The following GPR135 variants were observed in gnomAD, a reference collection of about 807,000 sequenced individuals.
The protein encoded by GPR135 is G protein-coupled receptor 135, also known as G-protein coupled receptor 135.
Under a neutral mutation model 15.0 loss-of-function variants are expected in GPR135, and 17 were observed. The observed-to-expected ratio is 1.13, with a 90% CI of 0.78 to 1.70. The LOEUF (loss-of-function observed/expected upper bound fraction) is 1.70. GPR135 is among the 40% of genes most tolerant of loss of function. The probability of loss-of-function intolerance (pLI) is 0.00; values close to 1 mark genes in which losing one functional copy is unlikely to be tolerated. For synonymous variants in GPR135, 368 were observed against 349.4 expected (o/e 1.05, Z -0.59); for missense variants, 776 against 727.0 (o/e 1.07, Z -0.78).
At position 59,464,416 on chromosome 14, in the gene GPR135, C is replaced by T. The variant is rs779309236; in HGVS notation, c.811G>A (p.Ala271Thr). Residue 271 changes from alanine to threonine, a missense_variant, in exon 1 of 1, where the codon GCG (alanine) becomes ACG (threonine). Transcript: ENST00000395116. The stretch of plus-strand genomic sequence containing the variant: ...ACGCTGAAGGCCGCGCCCAGCTGCG[C>T]GGGGTCCGGGGAGGTCCGGTAGAGG... Reference protein sequence around the residue: ...GCLYRTSPDPAQLGAAFSVGL... With the variant: ...GCLYRTSPDPTQLGAAFSVGL... 58 of 1,586,396 alleles carry T rather than the reference C, an allele frequency of 3.7e-5. No homozygotes were observed. Among genetic ancestry groups the T allele is most frequent in the Non-Finnish European group, 4.5e-5 (53 of 1,168,096 alleles).
downstream of GPR135, chr14:59,460,713 G>C (rs892551475): frequency 2.0e-5 from 3 of 152,170 alleles, no homozygotes; most frequent in Non-Finnish European, 4.4e-5. Context: ...CCACCCAAAT[G>C]AAATACCCAA....
downstream of GPR135, chr14:59,458,782 C>A (rs764647838): frequency 6.6e-6 from 1 of 152,214 alleles, no homozygotes; most frequent in Non-Finnish European, 1.5e-5. Flanking sequence ...GCATGCCACA[C>A]CCTAGTAAAG....
chr14:59,464,192 C>G lies in GPR135; in HGVS notation c.1035G>C (p.Gly345=), dbSNP rs2139777551. 6.2e-7 allele frequency: 1 copy of G among 1,609,190 alleles called. No individual in the cohort carries two copies. The highest frequency in any genetic ancestry group is 1.3e-5 in the African/African-American group (1 of 74,360). The change falls in exon 1 of 1, where the codon GGG becomes GGC. Residue 345 remains glycine, a synonymous_variant. Transcript: ENST00000395116. The part of the protein sequence containing the change: ...IMIVFVICCW[G]PYCFLVLLAA... ...CCAGCAGCACCAGGAAGCAGTAGGGCCCCCAGCAGCAGATGACGAAGACGA... is the reference window on the plus strand; with the variant it reads ...CCAGCAGCACCAGGAAGCAGTAGGGGCCCCAGCAGCAGATGACGAAGACGA...
Position 59,464,937 on chromosome 14 carries a change from A to C in GPR135, c.290T>G (p.Leu97Arg). The C allele has an allele frequency of 6.4e-7, 1 of 1,565,014 alleles. No homozygotes were observed. The highest frequency in any genetic ancestry group is 8.6e-7 in the Non-Finnish European group (1 of 1,159,026). Residue 97 changes from leucine to arginine, a missense_variant, in exon 1 of 1, where the codon CTG becomes CGG. Physicochemically the swap from Leu to Arg is moderately radical, Grantham distance 102 (BLOSUM62 -2). Coordinates refer to ENST00000395116, the MANE Select transcript of GPR135 (RefSeq NM_022571.6). ...GGCCGCCACTGCAGCTCCGTGCGACAGCAGCGGCGCCGCCTCCGGGCCTAG... is the reference window on the plus strand; with the variant it reads ...GGCCGCCACTGCAGCTCCGTGCGACCGCAGCGGCGCCGCCTCCGGGCCTAG... ...RPLGPEAAPLLSHGAAVAAQA... is the reference protein window; with the variant it reads ...RPLGPEAAPLRSHGAAVAAQA...
In GPR135 at chr14:59,461,591, C is replaced by G. The variant is rs1888859831; in HGVS notation, c.*2151G>C. 2 of 152,096 alleles carry G rather than the reference C, an allele frequency of 1.3e-5. No homozygotes were observed. Among genetic ancestry groups the G allele is most frequent in the African/African-American group, 4.8e-5 (2 of 41,418 alleles). 9.4% of individuals were successfully genotyped at this position (152,096 alleles called of 1,614,324 possible). On this transcript the variant is annotated 3_prime_UTR_variant, in exon 1 of 1. Transcript: ENST00000395116. ...CTTCATGCCATCACCTTGTCACTTC[C>G]AATCTCTCAGATTTTCCCTTCACTC...
At position 59,464,983 on chromosome 14, in the gene GPR135, C is replaced by G. The variant is rs1889085134; in HGVS notation, c.244G>C (p.Gly82Arg). The change falls in exon 1 of 1, where the codon GGG becomes CGG. Residue 82 changes from glycine to arginine, a missense_variant. Transcript: ENST00000395116. ...LGGSGAAREA[G>R]AAVRRPLGPE... Reference sequence around the variant, plus strand: ...CCTAGCGGCCGCCTCACCGCCGCCCCCGCCTCCCGCGCTGCCCCGGACCCG... The same window carrying G: ...CCTAGCGGCCGCCTCACCGCCGCCCGCGCCTCCCGCGCTGCCCCGGACCCG... 6.9e-7 allele frequency: 1 copy of G among 1,453,866 alleles called. No homozygotes were observed. Among genetic ancestry groups the G allele is most frequent in the Non-Finnish European group, 9.0e-7 (1 of 1,108,664 alleles). The allele number at this position is 1,453,866 out of a possible 1,614,324, so 90.1% of individuals were successfully genotyped here. A position where few individuals can be genotyped will look rare whatever the true frequency, so the allele number is the denominator to read the frequency against.
Position 59,464,166 on chromosome 14 carries a change from G to T in GPR135, c.1061C>A (p.Ala354Asp), listed in dbSNP as rs375777007. 4 of 1,608,828 alleles carry T rather than the reference G, an allele frequency of 2.5e-6. No individual in the cohort carries two copies. In the African/African-American group the frequency reaches 5.3e-5, roughly 21 times the overall value. Residue 354 changes from alanine (A) to aspartate (D), a missense_variant, in exon 1 of 1, where the codon GCC becomes GAC. Transcript: ENST00000395116. ...WGPYCFLVLL[A>D]AARQAQTMQA... The stretch of plus-strand genomic sequence containing the variant: ...CATGGTCTGGGCCTGCCGGGCGGCG[G>T]CCAGCAGCACCAGGAAGCAGTAGGG...
chr14:59,458,242 T>C (rs983170924), downstream of GPR135, among the ~76,000 whole-genome samples: 1 of 152,194 alleles, frequency 6.6e-6, no homozygotes, highest in Non-Finnish European at 1.5e-5. Flanking sequence ...TCACTAATTA[T>C]TTGCTAATTG....
chr14:59,458,869 C>A (rs1888755950), downstream of GPR135: 1 of 152,206 alleles, frequency 6.6e-6, no homozygotes, highest in Non-Finnish European at 1.5e-5. Context: ...GGAATTTAAC[C>A]TTTGCAACAT....
At chr14:59,453,311 G>A (rs1888549620) in intron 6 of GPR135, among the ~76,000 whole-genome samples, 1 of 152,168 alleles carries the variant, frequency 6.6e-6, no homozygotes, top group Non-Finnish European at 1.5e-5. Flanking sequence ...GGTAACAGGT[G>A]AGGTTTTGCT....
At chr14:59,456,596 C>G (rs1419585732), downstream of GPR135, 7 of 152,128 alleles carry the variant, frequency 4.6e-5, no homozygotes, top group African/African-American at 1.7e-4. Context: ...ATGTACTTAG[C>G]CTTTGAACCA....
Position 59,461,444 on chromosome 14 carries a change from A to C in GPR135, c.*2298T>G, listed in dbSNP as rs992281394. The stretch of plus-strand genomic sequence containing the variant: ...AACAATTTTCTCTTTTTCCCCTCCA[A>C]TTCTTGCCTACCATGACTCTCGGAG... On this transcript the variant is annotated 3_prime_UTR_variant, in exon 1 of 1. Transcript: ENST00000395116. 6.6e-6 allele frequency: 1 copy of C among 151,970 alleles called. No homozygotes were observed. The highest frequency in any genetic ancestry group is 1.5e-5 in the Non-Finnish European group (1 of 67,970). 9.4% of individuals were successfully genotyped at this position (151,970 alleles called of 1,614,324 possible). A position where few individuals can be genotyped will look rare whatever the true frequency, so the allele number is the denominator to read the frequency against.
downstream of GPR135, chr14:59,460,264 T>C (rs1469285731): frequency 4.6e-5 from 7 of 152,364 alleles, no homozygotes; most frequent in East Asian, 1.2e-3. Context: ...GATGGATGAC[T>C]GGGGTCATCT....
intron 6 of GPR135, among the ~76,000 whole-genome samples, chr14:59,453,420 G>GT (rs1374110655): frequency 1.3e-5 from 2 of 152,166 alleles, no homozygotes; most frequent in Non-Finnish European, 2.9e-5. Context: ...CTAAAAAAAA[G>GT]TTGAAAAGAT....
chr14:59,453,714 G>A (rs1888563072), intron 6 of GPR135, among the ~76,000 whole-genome samples: 1 of 152,192 alleles, frequency 6.6e-6, no homozygotes, highest in African/African-American at 2.4e-5. Context: ...GGGTTGAAAA[G>A]GAACAGATTG....
Position 59,465,033 on chromosome 14 carries a change from G to A in GPR135, c.194C>T (p.Ala65Val). 6 of 1,337,876 alleles carry A rather than the reference G, an allele frequency of 4.5e-6. No homozygotes were observed. The highest frequency in any genetic ancestry group is 9.5e-7 in the Non-Finnish European group (1 of 1,048,286). The allele number at this position is 1,337,876 out of a possible 1,614,324, so 82.9% of individuals were successfully genotyped here. Residue 65 changes from alanine to valine, a missense_variant, in exon 1 of 1, where the codon GCC becomes GTC. Physicochemically the swap from Ala to Val is moderately conservative, Grantham distance 64 (BLOSUM62 0). Transcript: ENST00000395116. ...GCCAAGGCCGCCGCCACCGGGAGCG[G>A]CAGCTGTGCCGCCTCCGCTTGCGTC... is the stretch of plus-strand genomic sequence containing the variant. The part of the protein sequence containing the change: ...LSDASGGGTA[A>V]APGGGGLGGS...
rs1263534046 is a variant in GPR135 at position 59,463,616 on chromosome 14, T to G, written c.*126A>C. 3.3e-6 allele frequency: 3 copies of G among 898,528 alleles called. No homozygotes were observed. Among genetic ancestry groups the G allele is most frequent in the South Asian group, 1.9e-5 (1 of 53,842 alleles). The allele number at this position is 898,528 out of a possible 1,614,324, so 55.7% of individuals were successfully genotyped here. A position where few individuals can be genotyped will look rare whatever the true frequency, so the allele number is the denominator to read the frequency against. ...CTTTTATGTTGTTTGGGGAAAGTGGTAAGCCTCCCCCGTCTCTAGCTTTAA... is the reference window on the plus strand; with the variant it reads ...CTTTTATGTTGTTTGGGGAAAGTGGGAAGCCTCCCCCGTCTCTAGCTTTAA... On this transcript the variant is annotated 3_prime_UTR_variant, in exon 1 of 1. Coordinates refer to ENST00000395116, the MANE Select transcript of GPR135 (RefSeq NM_022571.6).
At position 59,462,972 on chromosome 14, in the gene GPR135, G is replaced by T. The variant is rs1032174831; in HGVS notation, c.*770C>A. 4 of 152,208 alleles carry T rather than the reference G, an allele frequency of 2.6e-5. No individual in the cohort carries two copies. Among genetic ancestry groups the T allele is most frequent in the Non-Finnish European group, 5.9e-5 (4 of 68,042 alleles). 9.4% of individuals were successfully genotyped at this position (152,208 alleles called of 1,614,324 possible). A position where few individuals can be genotyped will look rare whatever the true frequency, so the allele number is the denominator to read the frequency against. On this transcript the variant is annotated 3_prime_UTR_variant, in exon 1 of 1. Transcript: ENST00000395116. ...TATCAGAAATAAAAGTAACAGGTTA[G>T]AGTAAGGATAAAACTTCAAAGTTTT...
chr14:59,455,521 C>T (rs1371209025), intron 6 of GPR135, among the ~76,000 whole-genome samples: 3 of 152,304 alleles, frequency 2.0e-5, no homozygotes, highest in South Asian at 2.1e-4. Context: ...AATTTAGCAG[C>T]TTAAAACAAT....
Sources: gnomAD v4.1 joint callset for allele counts (sites outside exome capture counted in the v4.1 genomes callset) on GRCh38, gnomAD v4.1.1 for gene constraint, MANE v1.5 for transcripts, NCBI Gene and HGNC (gene_info 2026-07-23, HGNC 2026-07-21) for gene names.